The following TNFAIP8L3 variants were observed in gnomAD, a reference collection of about 807,000 sequenced individuals.
TNFAIP8L3 encodes the protein tumor necrosis factor alpha-induced protein 8-like protein 3.
In TNFAIP8L3, 7 loss-of-function variants were observed where a neutral mutation model predicts 11.8. The observed-to-expected ratio is 0.59, with a 90% CI of 0.34 to 1.11. The LOEUF (loss-of-function observed/expected upper bound fraction) is 1.11. Ranked by LOEUF, TNFAIP8L3 falls within the 50% of genes most tolerant of loss-of-function variation. The pLI is 0.03. For missense variants in TNFAIP8L3, 219 were observed against 258.6 expected, an observed-to-expected ratio of 0.85 and a Z score of 1.05; for synonymous variants, 98 against 103.8, an observed-to-expected ratio of 0.94 and a Z score of 0.34.
intron 1 of TNFAIP8L3, 36 bp from the exon 2 acceptor site, chr15:51,058,479 A>AT: frequency 7.0e-7 from 1 of 1,431,674 alleles, no homozygotes; most frequent in Non-Finnish European, 9.2e-7. Flanking sequence ...AGTTTTAGAA[A>AT]TATAAGAACT....
At chr15:51,088,515 A>G (rs982785363) in intron 1 of TNFAIP8L3, among the ~76,000 whole-genome samples, 8 of 152,112 alleles carry the variant, frequency 5.3e-5, no homozygotes, top group Non-Finnish European at 4.4e-5. Context: ...AGCACATCTA[A>G]ATGCATTTCT....
intron 1 of TNFAIP8L3, among the ~76,000 whole-genome samples, chr15:51,102,610 C>T (rs1234407882): frequency 1.3e-5 from 2 of 152,166 alleles, no homozygotes; most frequent in Admixed American, 6.5e-5. Context: ...CTGGTCTAAC[C>T]CCATCACTTT....
At chr15:51,096,459 A>G (rs2065514151), upstream of TNFAIP8L3, among the ~76,000 whole-genome samples, 1 of 152,226 alleles carries the variant, frequency 6.6e-6, no homozygotes, top group East Asian at 1.9e-4. Flanking sequence ...TAAATAAATG[A>G]AATAATGAGT....
intron 1 of TNFAIP8L3, among the ~76,000 whole-genome samples, chr15:51,104,144 T>C (rs2065572436): frequency 6.6e-6 from 1 of 152,204 alleles, no homozygotes. Flanking sequence ...TCTGTCTTCC[T>C]TGCTTCCATG....
chr15:51,073,364 ATCT>A (rs922976636), intron 1 of TNFAIP8L3, among the ~76,000 whole-genome samples: 18 of 152,192 alleles, frequency 1.2e-4, no homozygotes, highest in African/African-American at 3.6e-4. Context: ...ATTTAGTCAT[ATCT>A]TCTTCTGTGT....
At chr15:51,069,089 AC>A (rs1420926724) in intron 1 of TNFAIP8L3, among the ~76,000 whole-genome samples, 1 of 152,168 alleles carries the variant, frequency 6.6e-6, no homozygotes, top group Non-Finnish European at 1.5e-5. Context: ...ACCGGAGACA[AC>A]CAAATGCAGA....
chr15:51,068,412 T>G (rs2065285570), intron 1 of TNFAIP8L3, among the ~76,000 whole-genome samples: 1 of 152,276 alleles, frequency 6.6e-6, no homozygotes, highest in East Asian at 1.9e-4. Flanking sequence ...TGTCCTATAC[T>G]AGTCTTCCCA....
intron 1 of TNFAIP8L3, among the ~76,000 whole-genome samples, chr15:51,071,307 A>C (rs1031374191): frequency 6.6e-6 from 1 of 152,124 alleles, no homozygotes; most frequent in African/African-American, 2.4e-5. Flanking sequence ...TCAGGTGGAA[A>C]AATTCTTAAT....
chr15:51,072,206 T>C (rs1424768643), intron 1 of TNFAIP8L3, among the ~76,000 whole-genome samples: 1 of 152,190 alleles, frequency 6.6e-6, no homozygotes, highest in African/African-American at 2.4e-5. Flanking sequence ...AATGGCACGA[T>C]CTCGGCTCAC....
At chr15:51,073,384 A>G (rs1050348258) in intron 1 of TNFAIP8L3, among the ~76,000 whole-genome samples, 2 of 152,102 alleles carry the variant, frequency 1.3e-5, no homozygotes, top group African/African-American at 4.8e-5. Context: ...GTGTCCTTCA[A>G]TTATGTTTAC....
At chr15:51,102,888 T>C (rs1274638060) in intron 1 of TNFAIP8L3, among the ~76,000 whole-genome samples, 1 of 152,188 alleles carries the variant, frequency 6.6e-6, no homozygotes, top group Non-Finnish European at 1.5e-5. Context: ...TGTACACCAG[T>C]GTTCTACTAG....
At chr15:51,100,158 A>G (rs759837553) in intron 1 of TNFAIP8L3, among the ~76,000 whole-genome samples, 15 of 152,234 alleles carry the variant, frequency 9.9e-5, no homozygotes, top group South Asian at 2.1e-4. Flanking sequence ...TTTGTTGAGT[A>G]TCCTCTGTGT....
chr15:51,079,549 G>C (rs2065376965), intron 1 of TNFAIP8L3, among the ~76,000 whole-genome samples: 1 of 152,196 alleles, frequency 6.6e-6, no homozygotes, highest in Admixed American at 6.5e-5. Flanking sequence ...ATGATAATGA[G>C]AGCTGGCATG....
upstream of TNFAIP8L3, among the ~76,000 whole-genome samples, chr15:51,095,543 C>G (rs997559666): frequency 3.9e-5 from 6 of 152,108 alleles, no homozygotes; most frequent in Non-Finnish European, 7.4e-5. Flanking sequence ...AGCAGCCGTG[C>G]TATTTCGCGC....
At chr15:51,095,029 C>G (rs574087583), upstream of TNFAIP8L3, among the ~76,000 whole-genome samples, 4 of 152,142 alleles carry the variant, frequency 2.6e-5, no homozygotes, top group South Asian at 8.3e-4. Flanking sequence ...TCTGCAAGGC[C>G]GAGCCCCTTC....
Position 51,094,093 on chromosome 15 carries a change from C to A in TNFAIP8L3, c.52+451G>T, listed in dbSNP as rs1164806377. Among the ~76,000 whole-genome samples, 1 of 152,174 alleles carries A rather than the reference C, an allele frequency of 6.6e-6. No individual in the cohort carries two copies. The highest frequency in any genetic ancestry group is 1.5e-5 in the Non-Finnish European group (1 of 68,022). ...GTTTGACCCCTGCCCCAACCACTCG[C>A]GAGGCCTTTTCTGTTCAGAGCCCCC... On this transcript the variant is annotated intron_variant, in intron 1 of 1. Coordinates refer to ENST00000637513, the MANE Select transcript of TNFAIP8L3 (RefSeq NM_001311175.2). The surrounding 1 kb of genome is among the most constrained non-coding windows in gnomAD (Gnocchi z 4.4).
chr15:51,082,192 T>C (rs1009245399), intron 1 of TNFAIP8L3, among the ~76,000 whole-genome samples: 1 of 152,098 alleles, frequency 6.6e-6, no homozygotes, highest in African/African-American at 2.4e-5. Flanking sequence ...GGTGTACTTA[T>C]ACAAACCTAG....
chr15:51,086,952 G>C (rs769276411), intron 1 of TNFAIP8L3, among the ~76,000 whole-genome samples: 1 of 151,332 alleles, frequency 6.6e-6, no homozygotes, highest in Non-Finnish European at 1.5e-5. Flanking sequence ...GCAGTGGCAC[G>C]ATCTAGGCTC....
intron 1 of TNFAIP8L3, among the ~76,000 whole-genome samples, chr15:51,067,103 T>A (rs971855205): frequency 6.6e-6 from 1 of 152,130 alleles, no homozygotes; most frequent in Non-Finnish European, 1.5e-5. Context: ...CCTTTATTGG[T>A]CCAATTCCTT....
Sources: allele counts gnomAD v4.1 joint callset (sites outside exome capture counted in the v4.1 genomes callset), GRCh38; gene constraint gnomAD v4.1.1; non-coding constraint Gnocchi (gnomAD v3.1); transcripts MANE v1.5; gene names NCBI Gene and HGNC (gene_info 2026-07-23, HGNC 2026-07-21).